PCDHA9: variants seen among roughly 807,000 people sequenced by gnomAD.
PCDHA9 encodes protocadherin alpha 9.
In PCDHA9, 62 loss-of-function variants were observed where a neutral mutation model predicts 62.0. The ratio of observed to expected loss-of-function variants is 1.00; its 90% CI spans 0.81 to 1.23. The LOEUF (loss-of-function observed/expected upper bound fraction) is 1.23, where lower values mean the gene tolerates loss of function less well. Ranked by LOEUF, PCDHA9 falls within the 50% of genes most tolerant of loss-of-function variation. The probability of loss-of-function intolerance (pLI) is 0.00; values close to 1 mark genes in which losing one functional copy is unlikely to be tolerated. For missense variants in PCDHA9, 1,205 were observed against 1,249.8 expected, an observed-to-expected ratio of 0.96 and a Z score of 0.54; for synonymous variants, 557 against 567.6, an observed-to-expected ratio of 0.98 and a Z score of 0.27.
rs576414745 is a variant in PCDHA9, at chr5:140,895,584, G to T, written c.2394+44695G>T. Among the ~76,000 whole-genome samples the T allele has an allele frequency of 9.2e-5, 14 of 152,210 alleles. No individual in the cohort carries two copies. In the South Asian group the frequency reaches 2.7e-3, roughly 29 times the overall value. The stretch of plus-strand genomic sequence containing the variant: ...TATTCTAGATGCAATTACTTTATTA[G>T]ATATATAATTTGCAAAGATTTTCTC... On this transcript the variant is annotated intron_variant, in intron 1 of 3. Coordinates refer to ENST00000532602, the MANE Select transcript of PCDHA9 (RefSeq NM_031857.2).
chr5:141,007,107 A>G (rs1162403610), intron 3 of PCDHA9, among the ~76,000 whole-genome samples: 1 of 152,190 alleles, frequency 6.6e-6, no homozygotes, highest in Non-Finnish European at 1.5e-5. Context: ...GCCAAACCCA[A>G]GGAAGCTTCA....
At chr5:140,967,652 T>A in intron 1 of PCDHA9, 1 of 1,614,152 alleles carries the variant, frequency 6.2e-7, no homozygotes, top group South Asian at 1.1e-5. Flanking sequence ...CAGGTACTCC[T>A]TGAGCAGCTA....
rs2150464054 is a variant in PCDHA9, at chr5:140,850,026, C to T, written c.1531C>T (p.His511Tyr). Reference sequence around the variant, plus strand: ...CTCGCTGTCGAGCTACGTGTCAGTGCACGCGGAGAGCGGCAAGGTGTACGC... The same window carrying T: ...CTCGCTGTCGAGCTACGTGTCAGTGTACGCGGAGAGCGGCAAGGTGTACGC... ...ERSLSSYVSV[H>Y]AESGKVYALQ... is the part of the protein sequence containing the mutation. Residue 511 changes from histidine (H) to tyrosine (Y), a missense_variant, in exon 1 of 4, where the codon CAC becomes TAC. This residue lies in a region of PCDHA9 where 887 missense variants were observed against 809.5 expected (regional missense o/e 1.10). Transcript: ENST00000532602. The T allele has an allele frequency of 1.3e-6, 2 of 1,596,828 alleles. No homozygotes were observed. Among genetic ancestry groups the T allele is most frequent in the Non-Finnish European group, 1.7e-6 (2 of 1,167,796 alleles).
At chr5:140,966,974 C>T (rs782333304) in intron 1 of PCDHA9, 4 of 1,602,874 alleles carry the variant, frequency 2.5e-6, no homozygotes, top group Non-Finnish European at 3.4e-6. Flanking sequence ...GCTTGAGCTG[C>T]GGCGCTTGGG....
At chr5:140,968,909 G>A (rs782304408) in intron 1 of PCDHA9, 7 of 1,614,172 alleles carry the variant, frequency 4.3e-6, no homozygotes, top group Non-Finnish European at 5.1e-6. Context: ...ATTAAGCACA[G>A]TGTCTTTTAT....
At chr5:140,923,071 C>T (rs1319984584) in intron 1 of PCDHA9, among the ~76,000 whole-genome samples, 2 of 152,202 alleles carry the variant, frequency 1.3e-5, no homozygotes, top group Non-Finnish European at 2.9e-5. Context: ...TAGGTCTCCT[C>T]ATGTCAGCAC....
At chr5:140,887,059 C>G (rs1474485995) in intron 1 of PCDHA9, among the ~76,000 whole-genome samples, 1 of 151,642 alleles carries the variant, frequency 6.6e-6, no homozygotes, top group Non-Finnish European at 1.5e-5. Flanking sequence ...TATGTTCTGG[C>G]AACAAATTCA....
intron 1 of PCDHA9, chr5:140,967,413 A>C: frequency 6.2e-7 from 1 of 1,613,218 alleles, no homozygotes; most frequent in Non-Finnish European, 8.5e-7. Context: ...AAGGGCCTAG[A>C]CCGGGAGCAG....
intron 1 of PCDHA9, among the ~76,000 whole-genome samples, chr5:140,943,783 C>A (rs1388163068): frequency 1.3e-5 from 2 of 152,102 alleles, no homozygotes; most frequent in Non-Finnish European, 2.9e-5. Context: ...AGGAAGTGGT[C>A]CTTTATGCAA....
Position 140,969,025 on chromosome 5 carries a change from T to G in PCDHA9, c.2395-9924T>G, listed in dbSNP as rs1554231368. On this transcript the variant is annotated intron_variant, in intron 1 of 3. Transcript: ENST00000532602. ...TCTGTGGAGTAAGGGAAAGGTCCCC[T>G]GCAGAACTGTACAAACAAGCCAACA... The G allele has an allele frequency of 1.9e-6, 3 of 1,614,178 alleles. No individual in the cohort carries two copies. The East Asian group carries it at 6.7e-5, about 36-fold the overall frequency.
intron 1 of PCDHA9, among the ~76,000 whole-genome samples, chr5:140,902,026 A>G (rs1554190175): frequency 6.6e-6 from 1 of 152,114 alleles, no homozygotes; most frequent in Non-Finnish European, 1.5e-5. Flanking sequence ...TAGAAATACT[A>G]CTAATTTTTG....
rs2150279468 is a variant in PCDHA9, at chr5:140,851,877, A to C, written c.2394+988A>C. On this transcript the variant is annotated intron_variant, in intron 1 of 3. Coordinates refer to ENST00000532602, the MANE Select transcript of PCDHA9 (RefSeq NM_031857.2). Reference sequence around the variant, plus strand: ...CAGCTCATACATAACACAAGGCAGAAATCTGGATATGAGATTTGCCTCTTT... The same window carrying C: ...CAGCTCATACATAACACAAGGCAGACATCTGGATATGAGATTTGCCTCTTT... 2.0e-6 allele frequency: 2 copies of C among 977,786 alleles called. 1 individual carries two copies. The highest frequency in any genetic ancestry group is 3.5e-5 in the African/African-American group (2 of 56,674). The allele number at this position is 977,786 out of a possible 1,614,324, so 60.6% of individuals were successfully genotyped here.
At chr5:140,980,835 T>A (rs2096907301) in intron 2 of PCDHA9, among the ~76,000 whole-genome samples, 1 of 152,220 alleles carries the variant, frequency 6.6e-6, no homozygotes, top group South Asian at 2.1e-4. Flanking sequence ...GTTGTGAACC[T>A]AAATAATACT....
At chr5:140,940,372 AGTT>A (rs2092600737) in intron 1 of PCDHA9, among the ~76,000 whole-genome samples, 1 of 151,970 alleles carries the variant, frequency 6.6e-6, no homozygotes, top group Non-Finnish European at 1.5e-5. Flanking sequence ...GTATTCCTTG[AGTT>A]GTTAATTTTG....
rs1554239929 is a variant in PCDHA9 at position 140,978,939 on chromosome 5, G to A, written c.2395-10G>A. 1 of 1,613,986 alleles carries A rather than the reference G, an allele frequency of 6.2e-7. No individual in the cohort carries two copies. The highest frequency in any genetic ancestry group is 1.3e-5 in the African/African-American group (1 of 74,908). On this transcript the variant is annotated splice_polypyrimidine_tract_variant and intron_variant, in intron 1 of 3. Transcript: ENST00000532602. ...CATTTTAACAGAAAACTCTCTTTGTGATTTTGCAGCCACGACAGCCCAACC... is the reference window on the plus strand; with the variant it reads ...CATTTTAACAGAAAACTCTCTTTGTAATTTTGCAGCCACGACAGCCCAACC...
chr5:140,967,057 AGC>A, intron 1 of PCDHA9: 1 of 1,612,704 alleles, frequency 6.2e-7, no homozygotes, highest in Non-Finnish European at 8.5e-7. Context: ...TGACGAGTGG[AGC>A]GCTCTTCGTC....
Position 140,966,702 on chromosome 5 carries a change from G to A in PCDHA9, c.2395-12247G>A, listed in dbSNP as rs2153748522. On this transcript the variant is annotated intron_variant, in intron 1 of 3. Transcript: ENST00000532602. Reference sequence around the variant, plus strand: ...ACGAGCGGAGGCGGGGCCCGGGCGTGGGGCACGGCTGGGGAAGCTGCCGCC... The same window carrying A: ...ACGAGCGGAGGCGGGGCCCGGGCGTAGGGCACGGCTGGGGAAGCTGCCGCC... 3.7e-6 allele frequency: 5 copies of A among 1,367,880 alleles called. No homozygotes were observed. The South Asian group carries it at 6.9e-5, about 19-fold the overall frequency. 84.7% of individuals were successfully genotyped at this position (1,367,880 alleles called of 1,614,324 possible).
At chr5:140,883,911 A>G (rs2059884661) in intron 1 of PCDHA9, 2 of 1,613,034 alleles carry the variant, frequency 1.2e-6, no homozygotes, top group Non-Finnish European at 8.5e-7. Flanking sequence ...CTGGGCAGCA[A>G]CGTGACGCTG....
chr5:140,994,379 G>A (rs2097618506), intron 3 of PCDHA9, among the ~76,000 whole-genome samples: 1 of 152,112 alleles, frequency 6.6e-6, no homozygotes. Flanking sequence ...AAATTCAGGG[G>A]ACTAAGTCAG....
Sources: gnomAD v4.1 joint callset for allele counts (sites outside exome capture counted in the v4.1 genomes callset) on GRCh38, gnomAD v4.1.1 for gene constraint, gnomAD v4.1.1 regional missense constraint, MANE v1.5 for transcripts, NCBI Gene and HGNC (gene_info 2026-07-23, HGNC 2026-07-21) for gene names.